KIAA0825: variants seen among roughly 807,000 people sequenced by gnomAD.
The protein encoded by KIAA0825 is KIAA0825, also known as uncharacterized protein KIAA0825.
In KIAA0825, 119 loss-of-function variants were observed where a neutral mutation model predicts 147.6. The observed-to-expected ratio is 0.81, with a 90% CI of 0.69 to 0.94. KIAA0825 has a LOEUF of 0.94. KIAA0825 is among the 40% of genes least tolerant of loss of function. KIAA0825 has a pLI of 0.00. For missense variants in KIAA0825, 1,381 were observed against 1,472.7 expected (o/e 0.94, Z 1.02); for synonymous variants, 470 against 518.1 (o/e 0.91, Z 1.26).
intron 19 of KIAA0825, 55 bp downstream of exon 19, chr5:94,386,180 ATTTTTTC>A: frequency 6.8e-7 from 1 of 1,467,176 alleles, no homozygotes; most frequent in Admixed American, 2.4e-5. Flanking sequence ...ACACAAAGCA[ATTTTTTC>A]TTACTTGGGT....
At chr5:94,454,870 C>A (rs541475585) in intron 12 of KIAA0825, among the ~76,000 whole-genome samples, 2 of 151,948 alleles carry the variant, frequency 1.3e-5, no homozygotes, top group South Asian at 2.1e-4. Flanking sequence ...AAGTAGTAGA[C>A]AAATATAAAA....
At chr5:94,419,918 T>C (rs1753956228) in intron 14 of KIAA0825, among the ~76,000 whole-genome samples, 1 of 152,130 alleles carries the variant, frequency 6.6e-6, no homozygotes, top group Admixed American at 6.6e-5. Flanking sequence ...TTTGATCAAC[T>C]TAAGTCTAAG....
chr5:94,555,625 T>C (rs1776396326), intron 2 of KIAA0825, among the ~76,000 whole-genome samples: 1 of 152,220 alleles, frequency 6.6e-6, no homozygotes, highest in South Asian at 2.1e-4. Flanking sequence ...CAGAATTAAT[T>C]GTCATGTGAT....
At chr5:94,429,543 C>T (rs1194586152) in intron 14 of KIAA0825, among the ~76,000 whole-genome samples, 1 of 152,150 alleles carries the variant, frequency 6.6e-6, no homozygotes. Flanking sequence ...CAGGCAAAAA[C>T]TGTCTGTGGT....
intron 20 of KIAA0825, among the ~76,000 whole-genome samples, chr5:94,316,929 C>A (rs1380267514): frequency 6.6e-6 from 1 of 151,706 alleles, no homozygotes; most frequent in East Asian, 1.9e-4. Flanking sequence ...CTAATCAAAA[C>A]CATTTTTGAA....
intron 13 of KIAA0825, among the ~76,000 whole-genome samples, chr5:94,448,466 C>G (rs915152507): frequency 6.6e-6 from 1 of 151,878 alleles, no homozygotes; most frequent in African/African-American, 2.4e-5. Context: ...TCCTTCTCAG[C>G]CACTTTTAAT....
At chr5:94,587,143 T>A (rs779467782) in intron 1 of KIAA0825, among the ~76,000 whole-genome samples, 3 of 152,326 alleles carry the variant, frequency 2.0e-5, no homozygotes, top group Admixed American at 1.3e-4. Flanking sequence ...AAGACAAGGA[T>A]GCCCTCTCTC....
intron 20 of KIAA0825, among the ~76,000 whole-genome samples, chr5:94,259,615 A>G (rs1315967386): frequency 1.3e-5 from 2 of 151,986 alleles, no homozygotes; most frequent in Non-Finnish European, 2.9e-5. Context: ...TGACTTTTTT[A>G]TAGTTTCCAT....
chr5:94,446,204 T>C (rs1757703152), intron 13 of KIAA0825, among the ~76,000 whole-genome samples: 1 of 152,178 alleles, frequency 6.6e-6, no homozygotes, highest in Non-Finnish European at 1.5e-5. Context: ...TGAATTTTTT[T>C]ATTCATTCAT....
At chr5:94,577,827 T>C (rs879688213) in intron 2 of KIAA0825, among the ~76,000 whole-genome samples, 4 of 152,230 alleles carry the variant, frequency 2.6e-5, no homozygotes, top group Admixed American at 6.5e-5. Context: ...GTATTACTTA[T>C]GTAAGAGGTT....
intron 14 of KIAA0825, among the ~76,000 whole-genome samples, chr5:94,436,557 T>TGGAG (rs1756399315): frequency 6.6e-6 from 1 of 152,192 alleles, no homozygotes; most frequent in South Asian, 2.1e-4. Flanking sequence ...GGTAGCATGA[T>TGGAG]GCCTCCAGCT....
intron 20 of KIAA0825, among the ~76,000 whole-genome samples, chr5:94,349,809 C>T (rs1209054995): frequency 1.3e-5 from 2 of 152,080 alleles, no homozygotes; most frequent in African/African-American, 4.8e-5. Context: ...GTTCGTAGCC[C>T]TAAACGCCTA....
chr5:94,348,869 A>T (rs895280884), intron 20 of KIAA0825, among the ~76,000 whole-genome samples: 5 of 152,208 alleles, frequency 3.3e-5, no homozygotes, highest in African/African-American at 1.2e-4. Flanking sequence ...TAAAACAAAA[A>T]TACAAGTTAA....
intron 5 of KIAA0825, among the ~76,000 whole-genome samples, chr5:94,501,940 T>C (rs990218630): frequency 2.6e-5 from 4 of 152,334 alleles, no homozygotes; most frequent in East Asian, 3.9e-4. Flanking sequence ...ATAATACATA[T>C]GTCATAGTTT....
intron 20 of KIAA0825, among the ~76,000 whole-genome samples, chr5:94,211,466 A>G (rs2150044688): frequency 6.6e-6 from 1 of 152,268 alleles, no homozygotes; most frequent in African/African-American, 2.4e-5. Context: ...TTAGGGTCTC[A>G]TGTTATCACG....
intron 1 of KIAA0825, among the ~76,000 whole-genome samples, chr5:94,610,650 G>C (rs1788547293): frequency 6.8e-6 from 1 of 147,322 alleles, no homozygotes; most frequent in Admixed American, 6.8e-5. Context: ...TGTAGTCCCA[G>C]CTACTCGGGA....
chr5:94,589,549 AT>A (rs1413440721), intron 1 of KIAA0825, among the ~76,000 whole-genome samples: 1 of 151,216 alleles, frequency 6.6e-6, no homozygotes, highest in African/African-American at 2.5e-5. Context: ...ATTGTATATA[AT>A]TTCACTTATT....
At chr5:94,402,750 A>AG (rs1329480990) in intron 16 of KIAA0825, among the ~76,000 whole-genome samples, 1 of 151,266 alleles carries the variant, frequency 6.6e-6, no homozygotes, top group East Asian at 2.0e-4. Context: ...TAGTTTCTCT[A>AG]GAAAAACTAG....
At chr5:94,518,613 C>T (rs1767618967) in intron 5 of KIAA0825, among the ~76,000 whole-genome samples, 1 of 152,080 alleles carries the variant, frequency 6.6e-6, no homozygotes, top group Non-Finnish European at 1.5e-5. Flanking sequence ...AAGTTTCTTT[C>T]TGTGTTCATG....
Sources: gnomAD v4.1 joint callset for allele counts (sites outside exome capture counted in the v4.1 genomes callset) on GRCh38, gnomAD v4.1.1 for gene constraint, MANE v1.5 for transcripts, NCBI Gene and HGNC (gene_info 2026-07-23, HGNC 2026-07-21) for gene names.